The following NEK11 variants were observed in gnomAD, a reference collection of about 807,000 sequenced individuals.
NEK11 encodes the protein NIMA related kinase 11.
NEK11 carries 72 observed loss-of-function variants against 80.7 expected under a neutral mutation model. The ratio of observed to expected loss-of-function variants is 0.89; its 90% CI spans 0.74 to 1.08. The LOEUF (loss-of-function observed/expected upper bound fraction) is 1.08. Among genes scored for constraint, NEK11 ranks in the 50% least tolerant of loss-of-function variants. NEK11 has a pLI of 0.00. For synonymous variants in NEK11, 251 were observed against 260.7 expected (o/e 0.96, Z 0.36); for missense variants, 764 against 763.6 (o/e 1.00, Z -0.01).
chr3:131,092,892 T>C (rs1368155202), intron 4 of NEK11: 1 of 152,212 alleles, frequency 6.6e-6, no homozygotes. Flanking sequence ...CTCTGTATCA[T>C]TCCAATTTTA....
intron 14 of NEK11, among the ~76,000 whole-genome samples, chr3:131,206,617 G>C (rs970395362): frequency 6.6e-6 from 1 of 152,128 alleles, no homozygotes; most frequent in African/African-American, 2.4e-5. Context: ...TGCATCACTA[G>C]AGGGCTAACA....
intron 7 of NEK11, among the ~76,000 whole-genome samples, chr3:131,136,040 A>G (rs577982194): frequency 1.3e-5 from 2 of 152,024 alleles, no homozygotes; most frequent in Non-Finnish European, 2.9e-5. Context: ...CTTTAGGATT[A>G]CAAAACTGTC....
rs576214864 is a variant in NEK11 at position 131,166,597 on chromosome 3, G to C, written c.1176+1078G>C. Among the ~76,000 whole-genome samples the C allele has an allele frequency of 5.3e-5, 8 of 152,352 alleles. No homozygotes were observed. The South Asian group carries it at 1.7e-3, about 32-fold the overall frequency. On this transcript the variant is annotated intron_variant, in intron 12 of 17. Transcript: ENST00000383366. ...TTTGATGGACCAGTTAGCAGACAAT[G>C]TGGGGATGATGGTAATATGTGCTCA...
chr3:131,068,432 CA>C (rs1227586857), intron 3 of NEK11, among the ~76,000 whole-genome samples: 1 of 152,226 alleles, frequency 6.6e-6, no homozygotes, highest in Non-Finnish European at 1.5e-5. Context: ...TCAAGTATCA[CA>C]CTTTTTGATT....
chr3:131,345,184 T>C (rs1367007028), intron 17 of NEK11, among the ~76,000 whole-genome samples: 1 of 152,116 alleles, frequency 6.6e-6, no homozygotes, highest in Non-Finnish European at 1.5e-5. Flanking sequence ...TTTGCAAAAA[T>C]AAATTAATGG....
intron 7 of NEK11, among the ~76,000 whole-genome samples, chr3:131,144,247 T>G (rs2087640975): frequency 1.3e-5 from 2 of 152,168 alleles, no homozygotes; most frequent in Admixed American, 1.3e-4. Context: ...CCAGCCTTCT[T>G]TTTCATTGCT....
At chr3:131,056,516 G>A (rs1226624033) in intron 3 of NEK11, among the ~76,000 whole-genome samples, 1 of 152,118 alleles carries the variant, frequency 6.6e-6, no homozygotes, top group Non-Finnish European at 1.5e-5. Context: ...GTTTCTCCTG[G>A]GGAGCTCATG....
chr3:131,106,538 G>T (rs1307915442), intron 4 of NEK11, among the ~76,000 whole-genome samples: 1 of 152,004 alleles, frequency 6.6e-6, no homozygotes, highest in Non-Finnish European at 1.5e-5. Flanking sequence ...GAAGAGTTGT[G>T]CATCTGTATT....
chr3:131,114,961 A>C (rs969473104), intron 5 of NEK11, among the ~76,000 whole-genome samples: 3 of 152,180 alleles, frequency 2.0e-5, no homozygotes, highest in Non-Finnish European at 4.4e-5. Context: ...ATTTTAGTTT[A>C]TATATATGAT....
intron 17 of NEK11, among the ~76,000 whole-genome samples, chr3:131,348,039 A>T (rs1421710938): frequency 6.6e-6 from 1 of 152,114 alleles, no homozygotes; most frequent in Admixed American, 6.5e-5. Flanking sequence ...TAATAATCTC[A>T]TTCCCATAAC....
At chr3:131,190,950 A>C (rs967533882) in intron 14 of NEK11, among the ~76,000 whole-genome samples, 1 of 152,172 alleles carries the variant, frequency 6.6e-6, no homozygotes, top group Non-Finnish European at 1.5e-5. Flanking sequence ...AACAGCAGGA[A>C]ATCAATTAAT....
chr3:131,215,672 G>A (rs1158216908), intron 14 of NEK11, among the ~76,000 whole-genome samples: 3 of 152,144 alleles, frequency 2.0e-5, no homozygotes, highest in East Asian at 1.9e-4. Context: ...GCTGGGGTGC[G>A]ATGGAGACAC....
At chr3:131,304,965 A>G (rs896405940) in intron 17 of NEK11, among the ~76,000 whole-genome samples, 3 of 151,488 alleles carry the variant, frequency 2.0e-5, no homozygotes, top group Non-Finnish European at 4.4e-5. Context: ...CAGTGATGGC[A>G]TGGCTGGGTG....
chr3:131,243,597 T>C, intron 16 of NEK11, 101 bp downstream of exon 16: 1 of 968,980 alleles, frequency 1.0e-6, no homozygotes, highest in Non-Finnish European at 1.6e-6. Flanking sequence ...GATATCTTAG[T>C]ATAACAGATG....
chr3:131,290,847 A>C (rs2096536504), intron 17 of NEK11, among the ~76,000 whole-genome samples: 1 of 152,088 alleles, frequency 6.6e-6, no homozygotes, highest in Non-Finnish European at 1.5e-5. Flanking sequence ...TTTCCCATAT[A>C]TCTCCTGCCC....
chr3:131,310,333 G>A (rs897784708), intron 17 of NEK11, among the ~76,000 whole-genome samples: 1 of 152,122 alleles, frequency 6.6e-6, no homozygotes, highest in African/African-American at 2.4e-5. Flanking sequence ...CAGTTTTCAG[G>A]TGCCCATAGG....
intron 17 of NEK11, among the ~76,000 whole-genome samples, chr3:131,322,814 A>G (rs1467454698): frequency 6.6e-6 from 1 of 152,146 alleles, no homozygotes; most frequent in African/African-American, 2.4e-5. Flanking sequence ...AGCACTGATG[A>G]AGAGGCCCCC....
At chr3:131,052,733 T>C (rs1410206586) in intron 3 of NEK11, among the ~76,000 whole-genome samples, 1 of 152,182 alleles carries the variant, frequency 6.6e-6, no homozygotes, top group East Asian at 1.9e-4. Flanking sequence ...AATGAAACAC[T>C]TGCAGCTATG....
intron 16 of NEK11, among the ~76,000 whole-genome samples, chr3:131,267,510 A>G (rs1209552018): frequency 6.6e-6 from 1 of 152,234 alleles, no homozygotes; most frequent in Non-Finnish European, 1.5e-5. Context: ...AATGTTGAAT[A>G]TTGGCCCCCA....
Sources: gnomAD v4.1 joint callset for allele counts (sites outside exome capture counted in the v4.1 genomes callset) on GRCh38, gnomAD v4.1.1 for gene constraint, MANE v1.5 for transcripts, NCBI Gene and HGNC (gene_info 2026-07-23, HGNC 2026-07-21) for gene names.